PIP4K2B: variants seen among roughly 807,000 people sequenced by gnomAD.
PIP4K2B encodes phosphatidylinositol 5-phosphate 4-kinase type-2 beta.
PIP4K2B carries 3 observed loss-of-function variants against 42.0 expected under a neutral mutation model. The observed-to-expected ratio is 0.07, with a 90% CI of 0.03 to 0.18. The LOEUF is 0.18. Among genes scored for constraint, PIP4K2B ranks in the 10% least tolerant of loss-of-function variants. The probability of loss-of-function intolerance (pLI) is 1.00; values close to 1 mark genes in which losing one functional copy is unlikely to be tolerated. For missense variants in PIP4K2B, 332 were observed against 562.3 expected (o/e 0.59, Z 4.14); for synonymous variants, 204 against 210.1 (o/e 0.97, Z 0.25).
chr17:38,790,461 C>T (rs1480968837), intron 1 of PIP4K2B, among the ~76,000 whole-genome samples: 11 of 152,100 alleles, frequency 7.2e-5, no homozygotes, highest in Non-Finnish European at 1.6e-4. Context: ...CCTAAGGGGA[C>T]GGATCACGAG....
chr17:38,799,438 G>A lies in PIP4K2B; in HGVS notation c.-14C>T, dbSNP rs756157695. 4 of 1,562,218 alleles carry A rather than the reference G, an allele frequency of 2.6e-6. No homozygotes were observed. Among genetic ancestry groups the A allele is most frequent in the South Asian group, 1.1e-5 (1 of 87,858 alleles). ...GTTGGACGACATGCCCGGGGCGGCG[G>A]CGGCGGCGGCGAAAGAGGGGGGCGG... On this transcript the variant is annotated 5_prime_UTR_variant, in exon 1 of 10. Coordinates refer to ENST00000619039, the MANE Select transcript of PIP4K2B (RefSeq NM_003559.5). This position sits in a 1 kb window ranked among gnomAD's most constrained non-coding sequence, Gnocchi z 4.4.
intron 1 of PIP4K2B, among the ~76,000 whole-genome samples, chr17:38,789,417 T>C (rs1284115952): frequency 6.6e-6 from 1 of 152,206 alleles, no homozygotes; most frequent in Non-Finnish European, 1.5e-5. Flanking sequence ...TTGCCACTAA[T>C]GCATTCAGGA....
intron 8 of PIP4K2B, 121 bp downstream of exon 8, chr17:38,770,893 G>A: frequency 8.8e-7 from 1 of 1,140,794 alleles, no homozygotes. Flanking sequence ...GAGGCAGAAA[G>A]AGGTCAAAGG....
intron 4 of PIP4K2B, 24 bp downstream of exon 4, chr17:38,780,428 G>A (rs201531927): frequency 2.4e-4 from 373 of 1,586,656 alleles, no homozygotes; most frequent in Non-Finnish European, 3.1e-4. Context: ...ATCCTCTGCA[G>A]CCCAGGCTTG....
intron 7 of PIP4K2B, chr17:38,775,980 C>CTTTTTTTTTTT: frequency 5.0e-6 from 2 of 400,648 alleles, no homozygotes; most frequent in South Asian, 1.8e-5. Context: ...TGTTTGCTTC[C>CTTTTTTTTTTT]TTTTTTTTTT....
At chr17:38,776,150 A>G in intron 7 of PIP4K2B, 1 of 372,728 alleles carries the variant, frequency 2.7e-6, no homozygotes. Context: ...TTGTATTTTC[A>G]GTAGAGACTG....
Position 38,799,233 on chromosome 17 carries a change from C to T in PIP4K2B, c.159+33G>A. Reference sequence around the variant, plus strand: ...GCAGGGGGCGTGGGAGCGCGCGGGGCCGCGCTCAGAGGGGCGCGCAGGAGC... The same window carrying T: ...GCAGGGGGCGTGGGAGCGCGCGGGGTCGCGCTCAGAGGGGCGCGCAGGAGC... On this transcript the variant is annotated intron_variant, in intron 1 of 9. Transcript: ENST00000619039. This position sits in a 1 kb window ranked among gnomAD's most constrained non-coding sequence, Gnocchi z 4.4. The T allele has an allele frequency of 1.3e-6, 2 of 1,554,482 alleles. No individual in the cohort carries two copies. Among genetic ancestry groups the T allele is most frequent in the Non-Finnish European group, 1.7e-6 (2 of 1,154,880 alleles).
intron 1 of PIP4K2B, among the ~76,000 whole-genome samples, chr17:38,787,228 T>G (rs57601219): frequency 0.067 from 10,235 of 152,116 alleles, 1,191 homozygotes; most frequent in African/African-American, 0.23. Flanking sequence ...TAGAGACAAG[T>G]TCTCACTGTC....
intron 3 of PIP4K2B, among the ~76,000 whole-genome samples, chr17:38,781,075 A>G (rs1191548266): frequency 6.6e-6 from 1 of 152,204 alleles, no homozygotes; most frequent in East Asian, 1.9e-4. Flanking sequence ...CTTAGAAAAT[A>G]CTGTCTTCAA....
rs1404313169 is a variant in PIP4K2B, at chr17:38,766,211, T to C, written c.*3480A>G. On this transcript the variant is annotated 3_prime_UTR_variant, in exon 10 of 10. Transcript: ENST00000619039. ...GCTGGTAGATTGGGGAACAGTTGTC[T>C]GAATGGGTTTTCCCTTTCAGGACCT... is the stretch of plus-strand genomic sequence containing the variant. 2 of 152,314 alleles carry C rather than the reference T, an allele frequency of 1.3e-5. No individual in the cohort carries two copies. Among genetic ancestry groups the C allele is most frequent in the Non-Finnish European group, 2.9e-5 (2 of 68,092 alleles). The allele number at this position is 152,314 out of a possible 1,614,324, so 9.4% of individuals were successfully genotyped here.
intron 3 of PIP4K2B, among the ~76,000 whole-genome samples, chr17:38,782,520 C>A: frequency 6.6e-6 from 1 of 152,220 alleles, no homozygotes; most frequent in Non-Finnish European, 1.5e-5. Flanking sequence ...CAGAAAACCT[C>A]CAGCCCCAGT....
At chr17:38,775,074 C>T (rs900657191) in intron 7 of PIP4K2B, among the ~76,000 whole-genome samples, 15 of 151,510 alleles carry the variant, frequency 9.9e-5, no homozygotes, top group Non-Finnish European at 1.2e-4. Context: ...CTCAGCCTCC[C>T]GAGTAGCTGG....
At chr17:38,793,246 C>CT (rs67325199) in intron 1 of PIP4K2B, among the ~76,000 whole-genome samples, 3,900 of 128,040 alleles carry the variant, frequency 0.03, 139 homozygotes, top group African/African-American at 0.083. Context: ...AAGATTTTTT[C>CT]TTTTTTTTTT....
At chr17:38,796,688 A>G (rs1910677401) in intron 1 of PIP4K2B, among the ~76,000 whole-genome samples, 1 of 152,220 alleles carries the variant, frequency 6.6e-6, no homozygotes, top group Non-Finnish European at 1.5e-5. Flanking sequence ...GAAGTAAACT[A>G]ATCACCTCAT....
intron 3 of PIP4K2B, among the ~76,000 whole-genome samples, chr17:38,782,910 A>T (rs1243215337): frequency 6.6e-6 from 1 of 152,130 alleles, no homozygotes; most frequent in African/African-American, 2.4e-5. Context: ...ATTTCAGGCC[A>T]GGTGCGGTGG....
chr17:38,772,325 C>T (rs1455664733), intron 7 of PIP4K2B, among the ~76,000 whole-genome samples: 3 of 152,252 alleles, frequency 2.0e-5, no homozygotes, highest in Admixed American at 6.5e-5. Flanking sequence ...TGTACCATTC[C>T]GAGTAGCATG....
chr17:38,781,861 GGAGTA>G, intron 3 of PIP4K2B, among the ~76,000 whole-genome samples: 1 of 151,614 alleles, frequency 6.6e-6, no homozygotes, highest in South Asian at 2.1e-4. Context: ...CACCCAAACT[GGAGTA>G]TAGTGGTGCG....
At chr17:38,772,516 CT>C (rs1909104537) in intron 7 of PIP4K2B, among the ~76,000 whole-genome samples, 1 of 152,196 alleles carries the variant, frequency 6.6e-6, no homozygotes, top group South Asian at 2.1e-4. Context: ...CCATATTTGA[CT>C]TCATTATGAC....
In PIP4K2B at chr17:38,775,042, C is replaced by T. The variant is rs145577612; in HGVS notation, c.807+2645G>A. On this transcript the variant is annotated intron_variant, in intron 7 of 9. Transcript: ENST00000619039. The stretch of plus-strand genomic sequence containing the variant: ...TCGGCTCCCTGCAAGCTCCGTCTCC[C>T]GGGTTCATGCCATTCTCCTGCCTCA... Among the ~76,000 whole-genome samples the T allele has an allele frequency of 2.0e-3, 303 of 151,872 alleles. 9 individuals are homozygous for T. In the East Asian group the frequency reaches 0.044, roughly 22 times the overall value.
Sources: allele counts gnomAD v4.1 joint callset (sites outside exome capture counted in the v4.1 genomes callset), GRCh38; gene constraint gnomAD v4.1.1; non-coding constraint Gnocchi (gnomAD v3.1); transcripts MANE v1.5; gene names NCBI Gene and HGNC (gene_info 2026-07-23, HGNC 2026-07-21).